Variants in FGFR2 observed in about 807,000 individuals in gnomAD.
The protein encoded by FGFR2 is fibroblast growth factor receptor 2.
A neutral mutation model predicts 95.9 loss-of-function variants in FGFR2; 19 were observed. The observed-to-expected ratio is 0.20, with a 90% CI of 0.14 to 0.29. FGFR2 has a LOEUF of 0.29. FGFR2 is among the 10% of genes least tolerant of loss of function. The probability of loss-of-function intolerance (pLI) is 1.00; values close to 1 mark genes in which losing one functional copy is unlikely to be tolerated. For synonymous variants in FGFR2, 392 were observed against 393.3 expected (o/e 1.00, Z 0.04); for missense variants, 707 against 1,056.9 (o/e 0.67, Z 4.59).
At position 121,495,557 on chromosome 10, in the gene FGFR2, C is replaced by T. The variant is rs559596932; in HGVS notation, c.1863+975G>A. Among the ~76,000 whole-genome samples, 6 of 152,258 alleles carry T rather than the reference C, an allele frequency of 3.9e-5. No individual in the cohort carries two copies. In the East Asian group the frequency reaches 5.8e-4, roughly 15 times the overall value. On this transcript the variant is annotated intron_variant, in intron 13 of 17. Coordinates refer to ENST00000358487, the MANE Select transcript of FGFR2 (RefSeq NM_000141.5). ...CATGGGGTAGCTCTGGGCCATGTTC[C>T]TATGTGGCCAGAGAGTAGAGCTGAG...
intron 9 of FGFR2, among the ~76,000 whole-genome samples, chr10:121,508,507 C>T (rs1848612594): frequency 1.3e-5 from 2 of 152,194 alleles, no homozygotes; most frequent in South Asian, 2.1e-4. Flanking sequence ...AAACCCCTGG[C>T]AAAAGTTCAC....
intron 6 of FGFR2, among the ~76,000 whole-genome samples, chr10:121,524,801 C>T (rs1242080399): frequency 1.3e-5 from 2 of 152,186 alleles, no homozygotes; most frequent in East Asian, 1.9e-4. Flanking sequence ...GGGACGATGA[C>T]CCAAAGAGCT....
chr10:121,513,027 A>G (rs1849259320), intron 9 of FGFR2, among the ~76,000 whole-genome samples: 1 of 152,068 alleles, frequency 6.6e-6, no homozygotes, highest in East Asian at 1.9e-4. Context: ...GCACCACCAC[A>G]CCCAGCTAAT....
intron 4 of FGFR2, among the ~76,000 whole-genome samples, chr10:121,558,407 A>G (rs1409335996): frequency 6.6e-6 from 1 of 152,184 alleles, no homozygotes; most frequent in African/African-American, 2.4e-5. Context: ...CCAGGCTTGT[A>G]ATGACATCAC....
At chr10:121,525,941 G>A (rs1266060304) in intron 6 of FGFR2, among the ~76,000 whole-genome samples, 2 of 152,000 alleles carry the variant, frequency 1.3e-5, no homozygotes, top group Non-Finnish European at 2.9e-5. Context: ...GGTCTCCTGA[G>A]CATTTCTCCC....
chr10:121,506,445 C>T lies in FGFR2; in HGVS notation c.1288-2504G>A, dbSNP rs547995815. Among the ~76,000 whole-genome samples the T allele has an allele frequency of 1.1e-4, 17 of 152,146 alleles. 1 individual carries two copies. The South Asian group carries it at 3.5e-3, about 32-fold the overall frequency. On this transcript the variant is annotated intron_variant, in intron 9 of 17. Coordinates refer to ENST00000358487, the MANE Select transcript of FGFR2 (RefSeq NM_000141.5). Reference sequence around the variant, plus strand: ...GCAGGTTGTACAGCCAGAACACTCTCTGCATGGCCTGCAGCGTAGCCCCTC... The same window carrying T: ...GCAGGTTGTACAGCCAGAACACTCTTTGCATGGCCTGCAGCGTAGCCCCTC...
intron 6 of FGFR2, among the ~76,000 whole-genome samples, chr10:121,524,398 T>C (rs556873145): frequency 3.9e-5 from 6 of 152,294 alleles, no homozygotes; most frequent in African/African-American, 1.4e-4. Flanking sequence ...AATGAAACCT[T>C]AGAGAATGTT....
chr10:121,536,337 T>C (rs1852812750), intron 6 of FGFR2, among the ~76,000 whole-genome samples: 1 of 152,202 alleles, frequency 6.6e-6, no homozygotes, highest in African/African-American at 2.4e-5. Context: ...CTTCTATTTA[T>C]AAAGAAGGTT....
At chr10:121,484,880 T>C (rs1233744889) in intron 16 of FGFR2, among the ~76,000 whole-genome samples, 3 of 152,186 alleles carry the variant, frequency 2.0e-5, no homozygotes, top group Non-Finnish European at 4.4e-5. Flanking sequence ...CGTCAATCTG[T>C]AATGGCAATT....
rs184515651 is a variant in FGFR2, at chr10:121,579,024, G to T, written c.110-13320C>A. ...TGCTGGTCCAAGACCCACACTACAA[G>T]AAGTTCAGCTCCAGTGTCCAAGGAT... On this transcript the variant is annotated intron_variant, in intron 2 of 17. Coordinates refer to ENST00000358487, the MANE Select transcript of FGFR2 (RefSeq NM_000141.5). 2.6e-5 allele frequency among the ~76,000 whole-genome samples: 4 copies of T among 152,304 alleles called. No homozygotes were observed. In the East Asian group the frequency reaches 7.7e-4, roughly 29 times the overall value.
intron 5 of FGFR2, among the ~76,000 whole-genome samples, chr10:121,542,871 TGA>T (rs992541685): frequency 2.6e-5 from 4 of 152,138 alleles, no homozygotes; most frequent in Admixed American, 2.6e-4. Context: ...TTTAGTTTGT[TGA>T]CACCAAAACA....
At chr10:121,491,219 T>C (rs1846086785) in intron 13 of FGFR2, among the ~76,000 whole-genome samples, 1 of 151,836 alleles carries the variant, frequency 6.6e-6, no homozygotes, top group Admixed American at 6.6e-5. Flanking sequence ...CCATCCCTCA[T>C]CCCAGGGGCT....
At chr10:121,537,975 T>C (rs561644251) in intron 6 of FGFR2, 1 of 186,894 alleles carries the variant, frequency 5.4e-6, no homozygotes, top group African/African-American at 2.4e-5. Flanking sequence ...TGGTCTTCAA[T>C]GTTTAATTAA....
At chr10:121,590,985 T>TCG (rs1315388277) in intron 2 of FGFR2, among the ~76,000 whole-genome samples, 1,613 of 149,846 alleles carry the variant, frequency 0.011, 28 homozygotes, top group African/African-American at 0.035. Context: ...GCACGCGCAC[T>TCG]CGCGCACACA....
At chr10:121,553,132 G>A (rs1441374869) in intron 4 of FGFR2, among the ~76,000 whole-genome samples, 1 of 152,164 alleles carries the variant, frequency 6.6e-6, no homozygotes, top group Non-Finnish European at 1.5e-5. Context: ...TTCTTTACAA[G>A]GCCATGCTGT....
At chr10:121,591,009 ACACTCTCT>A (rs1862566577) in intron 2 of FGFR2, among the ~76,000 whole-genome samples, 16 of 142,704 alleles carry the variant, frequency 1.1e-4, no homozygotes, top group Admixed American at 2.1e-4. Flanking sequence ...ACACACACGC[ACACTCTCT>A]CTCTCTCTCT....
intron 5 of FGFR2, among the ~76,000 whole-genome samples, chr10:121,543,443 GA>G (rs1032316587): frequency 3.3e-5 from 5 of 152,312 alleles, no homozygotes; most frequent in African/African-American, 1.2e-4. Context: ...CCGGGAGACA[GA>G]GACTGCAGTG....
chr10:121,491,790 A>T (rs1846164450), intron 13 of FGFR2, among the ~76,000 whole-genome samples: 1 of 151,784 alleles, frequency 6.6e-6, no homozygotes. Context: ...GAATCGCTAG[A>T]ACCTGGGAGG....
chr10:121,513,733 CCT>C (rs1849341529), intron 9 of FGFR2, among the ~76,000 whole-genome samples: 1 of 152,090 alleles, frequency 6.6e-6, no homozygotes. Flanking sequence ...CCAACAGGCC[CCT>C]CTTTTCCATG....
Sources: gnomAD v4.1 joint callset for allele counts (sites outside exome capture counted in the v4.1 genomes callset) on GRCh38, gnomAD v4.1.1 for gene constraint, MANE v1.5 for transcripts, NCBI Gene and HGNC (gene_info 2026-07-23, HGNC 2026-07-21) for gene names.